Variants in PSMD13 observed in about 807,000 individuals in gnomAD.
The protein encoded by PSMD13 is 26S proteasome non-ATPase regulatory subunit 13.
A neutral mutation model predicts 57.4 loss-of-function variants in PSMD13; 8 were observed. The observed-to-expected ratio is 0.14, with a 90% CI of 0.08 to 0.25. The LOEUF (loss-of-function observed/expected upper bound fraction) is 0.25. Among genes scored for constraint, PSMD13 ranks in the 10% least tolerant of loss-of-function variants. The pLI, the probability that PSMD13 is intolerant of heterozygous loss-of-function variation, is 1.00. For missense variants in PSMD13, 400 were observed against 461.5 expected (o/e 0.87, Z 1.22); for synonymous variants, 193 against 168.2 (o/e 1.15, Z -1.14).
At position 252,247 on chromosome 11, in the gene PSMD13, A is replaced by T; in HGVS notation, c.1036-258A>T. 1 of 520,154 alleles carries T rather than the reference A, an allele frequency of 1.9e-6. No individual in the cohort carries two copies. The highest frequency in any genetic ancestry group is 3.2e-5 in the Admixed American group (1 of 31,012). 32.2% of individuals were successfully genotyped at this position (520,154 alleles called of 1,614,324 possible). On this transcript the variant is annotated intron_variant, in intron 12 of 12. Transcript: ENST00000532097. This position sits in a 1 kb window ranked among gnomAD's most constrained non-coding sequence, Gnocchi z 4.1. ...TGATTTGAGCTCACGTCGCTCTTAC[A>T]TTTGCTGGAAATGCGATCCTGTGGA...
chr11:245,242 C>T (rs569578153), intron 6 of PSMD13, among the ~76,000 whole-genome samples: 3 of 152,152 alleles, frequency 2.0e-5, no homozygotes, highest in African/African-American at 7.2e-5. Context: ...TGCGCCCAGC[C>T]CCCCCGATTG....
chr11:249,185 A>G, intron 9 of PSMD13, 128 bp downstream of exon 9: 1 of 1,329,484 alleles, frequency 7.5e-7, no homozygotes, highest in East Asian at 2.4e-5. Flanking sequence ...AAGATAGGCT[A>G]GTCCTTGCTC....
At chr11:237,680 G>T (rs753577285) in intron 1 of PSMD13, among the ~76,000 whole-genome samples, 1 of 152,112 alleles carries the variant, frequency 6.6e-6, no homozygotes, top group Non-Finnish European at 1.5e-5. Flanking sequence ...GGTTGCACGG[G>T]GTGCAACCAC....
intron 2 of PSMD13, among the ~76,000 whole-genome samples, chr11:242,264 A>C (rs1859531481): frequency 6.8e-6 from 1 of 147,560 alleles, no homozygotes; most frequent in African/African-American, 2.5e-5. Context: ...TGTAGTATCT[A>C]GTATGGAGTC....
Position 244,092 on chromosome 11 carries a change from C to T in PSMD13, c.209+17C>T, listed in dbSNP as rs747505888. 1.6e-5 allele frequency: 25 copies of T among 1,608,978 alleles called. No homozygotes were observed. Among genetic ancestry groups the T allele is most frequent in the South Asian group, 6.6e-5 (6 of 90,384 alleles). On this transcript the variant is annotated intron_variant, in intron 3 of 12. Coordinates refer to ENST00000532097, the MANE Select transcript of PSMD13 (RefSeq NM_002817.4). ...TGAACACAGGTAAAAGCCTCTCATC[C>T]GTTTTTCACTTTGAAAATGAGTGCA...
intron 2 of PSMD13, among the ~76,000 whole-genome samples, chr11:239,316 G>A (rs745578729): frequency 2.6e-5 from 4 of 152,194 alleles, no homozygotes; most frequent in Non-Finnish European, 5.9e-5. Context: ...ATAGATCACT[G>A]CTGATAAGTG....
intron 6 of PSMD13, among the ~76,000 whole-genome samples, chr11:245,949 C>T (rs2133988561): frequency 6.6e-6 from 1 of 152,228 alleles, no homozygotes; most frequent in South Asian, 2.1e-4. Flanking sequence ...GTGCCCCAAC[C>T]AGCTTAGGAA....
chr11:245,642 G>A (rs929732599), intron 6 of PSMD13, among the ~76,000 whole-genome samples: 11 of 20,190 alleles, frequency 5.4e-4, no homozygotes, highest in Admixed American at 1.2e-3. Flanking sequence ...GAACCAGAAC[G>A]TGTGTGTGTG....
In PSMD13 at chr11:237,016, G is replaced by T. The variant is rs1485863381; in HGVS notation, c.-34G>T. 6.4e-7 allele frequency: 1 copy of T among 1,560,022 alleles called. No homozygotes were observed. The highest frequency in any genetic ancestry group is 1.7e-5 in the Admixed American group (1 of 59,636). ...CCATCCCCGCGGTGCTGACATCCCG[G>T]TTGTTCTTCTGTGCCGGGGGTCTTC... On this transcript the variant is annotated 5_prime_UTR_variant, in exon 1 of 13. Transcript: ENST00000532097.
intron 4 of PSMD13, 103 bp from the exon 5 acceptor site, chr11:244,323 T>A: frequency 6.3e-7 from 1 of 1,577,132 alleles, no homozygotes; most frequent in Non-Finnish European, 8.6e-7. Context: ...TATGTTTTTA[T>A]TATACTTTAT....
rs377390215 is a variant in PSMD13 at position 252,459 on chromosome 11, T to C, written c.1036-46T>C. ...TGCTGTGCCGGCCGCTCGGCCTGTG[T>C]CTCCTGCGTGTCTTAACGTCCCTTG... On this transcript the variant is annotated intron_variant, in intron 12 of 12. Transcript: ENST00000532097. The surrounding 1 kb of genome is among the most constrained non-coding windows in gnomAD (Gnocchi z 4.1). 5 of 1,590,860 alleles carry C rather than the reference T, an allele frequency of 3.1e-6. No homozygotes were observed. The highest frequency in any genetic ancestry group is 4.3e-6 in the Non-Finnish European group (5 of 1,159,174).
chr11:243,330 T>C (rs1859557161), intron 2 of PSMD13: 17 of 377,054 alleles, frequency 4.5e-5, no homozygotes, highest in South Asian at 3.8e-4. Flanking sequence ...CTAGAGAACA[T>C]TTTATTTTTC....
At chr11:240,762 A>G (rs1055728406) in intron 2 of PSMD13, among the ~76,000 whole-genome samples, 2 of 152,230 alleles carry the variant, frequency 1.3e-5, no homozygotes, top group African/African-American at 2.4e-5. Context: ...GGAAAGTTCA[A>G]ACATTTCCTT....
chr11:241,284 G>A lies in PSMD13; in HGVS notation c.174+2208G>A, dbSNP rs138060871. 7.5e-3 allele frequency among the ~76,000 whole-genome samples: 1,137 copies of A among 151,838 alleles called. 21 individuals are homozygous for A. In the East Asian group the frequency reaches 0.077, roughly 10 times the overall value. Reference sequence around the variant, plus strand: ...CTCCCAAGTAGCTGGGATTACAAGCGTGTGCCACCACACCTGGCTAATTTT... The same window carrying A: ...CTCCCAAGTAGCTGGGATTACAAGCATGTGCCACCACACCTGGCTAATTTT... On this transcript the variant is annotated intron_variant, in intron 2 of 12. Coordinates refer to ENST00000532097, the MANE Select transcript of PSMD13 (RefSeq NM_002817.4).
chr11:243,952 C>T (rs771954858), intron 2 of PSMD13, 89 bp from the exon 3 acceptor site: 6 of 1,339,004 alleles, frequency 4.5e-6, no homozygotes, highest in Non-Finnish European at 4.2e-6. Flanking sequence ...AGCATTGATG[C>T]AGCTTCTTTA....
At chr11:240,101 C>CT (rs60869932) in intron 2 of PSMD13, among the ~76,000 whole-genome samples, 11,928 of 50,978 alleles carry the variant, frequency 0.23, 4,031 homozygotes, top group Non-Finnish European at 0.29. Flanking sequence ...ATGAGACCTG[C>CT]TTTTTTTTTT....
rs780774806 is a variant in PSMD13 at position 247,267 on chromosome 11, C to G, written c.397-10C>G. 2 of 1,593,630 alleles carry G rather than the reference C, an allele frequency of 1.3e-6. No individual in the cohort carries two copies. The highest frequency in any genetic ancestry group is 1.8e-5 in the Admixed American group (1 of 54,760). On this transcript the variant is annotated splice_polypyrimidine_tract_variant and intron_variant, in intron 6 of 12. Coordinates refer to ENST00000532097, the MANE Select transcript of PSMD13 (RefSeq NM_002817.4). ...TTAAAAAGAGAGATGATTTTCCTTCCTGTGTATAGGAAACAATTGAAGATG... is the reference window on the plus strand; with the variant it reads ...TTAAAAAGAGAGATGATTTTCCTTCGTGTGTATAGGAAACAATTGAAGATG...
Position 249,417 on chromosome 11 carries a change from G to A in PSMD13, c.774+360G>A, listed in dbSNP as rs181523812. ...GAAGAGTGCACTCAGCGGAGAAAAC[G>A]GAAAAGTTTAGTATCTTTGCTGAAC... On this transcript the variant is annotated intron_variant, in intron 9 of 12. Coordinates refer to ENST00000532097, the MANE Select transcript of PSMD13 (RefSeq NM_002817.4). Among the ~76,000 whole-genome samples, 531 of 152,108 alleles carry A rather than the reference G, an allele frequency of 3.5e-3. 5 individuals carry two copies. The highest frequency in any genetic ancestry group is 0.012 in the African/African-American group (503 of 41,488).
chr11:244,639 TTC>T, intron 5 of PSMD13, 34 bp from the exon 6 acceptor site: 1 of 1,585,370 alleles, frequency 6.3e-7, no homozygotes, highest in Non-Finnish European at 8.6e-7. Flanking sequence ...ACTGCCCACA[TTC>T]TGAGGTTTCT....
Sources: allele counts gnomAD v4.1 joint callset (sites outside exome capture counted in the v4.1 genomes callset), GRCh38; gene constraint gnomAD v4.1.1; non-coding constraint Gnocchi (gnomAD v3.1); transcripts MANE v1.5; gene names NCBI Gene and HGNC (gene_info 2026-07-23, HGNC 2026-07-21).